The following TENM3 variants were observed in gnomAD, a reference collection of about 807,000 sequenced individuals.
TENM3 encodes the protein teneurin-3.
TENM3 carries 63 observed loss-of-function variants against 255.1 expected under a neutral mutation model. The observed-to-expected ratio is 0.25, with a 90% CI of 0.20 to 0.30. The LOEUF is 0.30. Among genes scored for constraint, TENM3 ranks in the 10% least tolerant of loss-of-function variants. The probability of loss-of-function intolerance (pLI) is 1.00; values close to 1 mark genes in which losing one functional copy is unlikely to be tolerated. For synonymous variants in TENM3, 1,306 were observed against 1,322.3 expected, an observed-to-expected ratio of 0.99 and a Z score of 0.27; for missense variants, 2,929 against 3,461.1, an observed-to-expected ratio of 0.85 and a Z score of 3.86.
At chr4:182,316,197 G>A (rs991871699) in intron 1 of TENM3, among the ~76,000 whole-genome samples, 1 of 152,164 alleles carries the variant, frequency 6.6e-6, no homozygotes, top group Non-Finnish European at 1.5e-5. Flanking sequence ...AAGCTTTGCT[G>A]TTGTGCAAAA....
At chr4:182,051,417 G>T in the TENM3 span, among the ~76,000 whole-genome samples, 1 of 130,108 alleles carries the variant, frequency 7.7e-6, no homozygotes, top group South Asian at 2.4e-4. Context: ...TTGCTCTTTC[G>T]CCCAGGCCAG....
chr4:182,137,135 A>G, the TENM3 span, among the ~76,000 whole-genome samples: 1 of 152,218 alleles, frequency 6.6e-6, no homozygotes, highest in Admixed American at 6.5e-5. Context: ...CCAGTTTTCT[A>G]CACAACTTAC....
chr4:182,047,911 A>G, the TENM3 span, among the ~76,000 whole-genome samples: 1 of 152,126 alleles, frequency 6.6e-6, no homozygotes, highest in Non-Finnish European at 1.5e-5. Context: ...GAACCTGACT[A>G]TATAAGAAAT....
At chr4:182,003,544 C>T in the TENM3 span, among the ~76,000 whole-genome samples, 18 of 152,004 alleles carry the variant, frequency 1.2e-4, no homozygotes, top group East Asian at 3.1e-3. Flanking sequence ...TAGCTTCTCC[C>T]GTAATGATTT....
At chr4:182,566,557 A>G (rs527832181) in intron 3 of TENM3, among the ~76,000 whole-genome samples, 18 of 152,210 alleles carry the variant, frequency 1.2e-4, no homozygotes, top group Non-Finnish European at 1.3e-4. Flanking sequence ...ACAATACTGA[A>G]TTATGCCAGT....
At chr4:182,096,289 T>C in the TENM3 span, among the ~76,000 whole-genome samples, 30 of 152,322 alleles carry the variant, frequency 2.0e-4, no homozygotes, top group East Asian at 1.9e-3. Flanking sequence ...CTGATCATCA[T>C]TATAATGCAT....
the TENM3 span, among the ~76,000 whole-genome samples, chr4:182,083,867 A>G: frequency 6.6e-6 from 1 of 151,958 alleles, no homozygotes; most frequent in Non-Finnish European, 1.5e-5. Context: ...ACATGTATGG[A>G]CTCTCCCTGG....
At chr4:182,248,639 A>G in intron 1 of TENM3, among the ~76,000 whole-genome samples, 1 of 152,330 alleles carries the variant, frequency 6.6e-6, no homozygotes, top group Non-Finnish European at 1.5e-5. Context: ...GTAACAATGT[A>G]ATTTTAAAAT....
intron 3 of TENM3, among the ~76,000 whole-genome samples, chr4:182,520,085 G>T (rs1292370100): frequency 6.6e-6 from 1 of 152,070 alleles, no homozygotes; most frequent in Non-Finnish European, 1.5e-5. Context: ...GCAAATAATT[G>T]CTTTAGAGAT....
the TENM3 span, among the ~76,000 whole-genome samples, chr4:182,037,243 G>A: frequency 6.6e-6 from 1 of 151,852 alleles, no homozygotes; most frequent in Non-Finnish European, 1.5e-5. Flanking sequence ...CATCTCCTGG[G>A]TTCAAGCAAT....
chr4:181,581,858 G>A, the TENM3 span, among the ~76,000 whole-genome samples: 1 of 151,904 alleles, frequency 6.6e-6, no homozygotes, highest in Admixed American at 6.6e-5. Context: ...TCAGCCTCCT[G>A]AGTAGCTGGG....
At chr4:181,583,745 A>G in the TENM3 span, among the ~76,000 whole-genome samples, 34 of 152,196 alleles carry the variant, frequency 2.2e-4, no homozygotes, top group Non-Finnish European at 4.4e-4. Context: ...CTATGTTATT[A>G]ACTGTGTCTG....
the TENM3 span, among the ~76,000 whole-genome samples, chr4:181,950,915 G>T: frequency 6.6e-6 from 1 of 152,114 alleles, no homozygotes; most frequent in South Asian, 2.1e-4. Flanking sequence ...GGTAGCATGT[G>T]CCTATGGTCC....
At chr4:181,702,039 T>C in the TENM3 span, among the ~76,000 whole-genome samples, 23 of 152,246 alleles carry the variant, frequency 1.5e-4, no homozygotes, top group East Asian at 4.4e-3. Flanking sequence ...CAGCCTATAC[T>C]CAGTGGGCAC....
At position 182,708,525 on chromosome 4, in the gene TENM3, C is replaced by T. The variant is rs78580265; in HGVS notation, c.2222-5562C>T. 4.2e-3 allele frequency among the ~76,000 whole-genome samples: 644 copies of T among 152,250 alleles called. 4 individuals carry two copies. The highest frequency in any genetic ancestry group is 0.014 in the Middle Eastern group (4 of 294). On this transcript the variant is annotated intron_variant, in intron 12 of 27. Coordinates refer to ENST00000511685, the MANE Select transcript of TENM3 (RefSeq NM_001080477.4). ...CTCAAAGATCTGAGACCTGGCGGGGCGTGGTGGCTCACGCCTGTAATCCCA... is the reference window on the plus strand; with the variant it reads ...CTCAAAGATCTGAGACCTGGCGGGGTGTGGTGGCTCACGCCTGTAATCCCA...
At chr4:182,101,627 G>A in the TENM3 span, among the ~76,000 whole-genome samples, 196 of 152,280 alleles carry the variant, frequency 1.3e-3, no homozygotes, top group Non-Finnish European at 1.9e-3. Flanking sequence ...ATGATGGGCA[G>A]GGCGGTTGGA....
chr4:181,677,973 A>AT, the TENM3 span, among the ~76,000 whole-genome samples: 2 of 152,100 alleles, frequency 1.3e-5, no homozygotes, highest in African/African-American at 4.8e-5. Flanking sequence ...TTTCCTTTTT[A>AT]TATGGCTTGG....
chr4:182,403,421 A>G (rs1168381495), intron 3 of TENM3, among the ~76,000 whole-genome samples: 1 of 152,234 alleles, frequency 6.6e-6, no homozygotes, highest in East Asian at 1.9e-4. Flanking sequence ...GATGCACTAT[A>G]TCTTAACTCT....
At chr4:182,790,003 C>T (rs1232727102) in intron 25 of TENM3, among the ~76,000 whole-genome samples, 10 of 152,066 alleles carry the variant, frequency 6.6e-5, no homozygotes, top group Admixed American at 6.5e-4. Context: ...TAGAATTACA[C>T]GTGTGCAAAA....
Sources: allele counts gnomAD v4.1 joint callset (sites outside exome capture counted in the v4.1 genomes callset), GRCh38; gene constraint gnomAD v4.1.1; transcripts MANE v1.5; gene names NCBI Gene and HGNC (gene_info 2026-07-23, HGNC 2026-07-21).